The following ZNF317 variants were observed in gnomAD, a reference collection of about 807,000 sequenced individuals.
ZNF317 encodes the protein KRAB-containing zinc finger protein 317.
A neutral mutation model predicts 23.4 loss-of-function variants in ZNF317; 17 were observed. That is an observed-to-expected ratio of 0.73 (90% CI 0.50 to 1.09). ZNF317 has a LOEUF of 1.09. Among genes scored for constraint, ZNF317 ranks in the 50% least tolerant of loss-of-function variants. The pLI, the probability that ZNF317 is intolerant of heterozygous loss-of-function variation, is 0.00. For missense variants in ZNF317, 679 were observed against 796.7 expected (o/e 0.85, Z 1.78); for synonymous variants, 317 against 314.9 (o/e 1.01, Z -0.07).
At chr19:9,150,508 G>C (rs1305807333) in intron 1 of ZNF317, among the ~76,000 whole-genome samples, 2 of 152,110 alleles carry the variant, frequency 1.3e-5, no homozygotes, top group African/African-American at 4.8e-5. Context: ...TCAGAACCTG[G>C]GTGTCAGCAC....
chr19:9,161,048 A>G lies in ZNF317; in HGVS notation c.1403A>G (p.His468Arg). The change falls in exon 7 of 7, where the codon CAC becomes CGC. Residue 468 changes from histidine to arginine, a missense_variant. Coordinates refer to ENST00000247956, the MANE Select transcript of ZNF317 (RefSeq NM_020933.5). The surrounding 1 kb of genome is among the most constrained non-coding windows in gnomAD (Gnocchi z 4.0). ...SSNLTAHRKI[H>R]TQERRYECAA... ...AACCTCACCGCACACAGGAAGATACACACGCAAGAGAGACGCTACGAATGC... is the reference window on the plus strand; with the variant it reads ...AACCTCACCGCACACAGGAAGATACGCACGCAAGAGAGACGCTACGAATGC... The G allele has an allele frequency of 6.2e-7, 1 of 1,614,206 alleles. No homozygotes were observed. Among genetic ancestry groups the G allele is most frequent in the Non-Finnish European group, 8.5e-7 (1 of 1,180,050 alleles).
At chr19:9,155,899 TC>T in intron 1 of ZNF317, 25 bp from the exon 2 acceptor site, 4 of 1,292,950 alleles carry the variant, frequency 3.1e-6, no homozygotes, top group Non-Finnish European at 4.5e-6. Flanking sequence ...CTTTCACTAC[TC>T]CCGATGTTCT....
At chr19:9,154,018 G>C (rs144450954) in intron 1 of ZNF317, among the ~76,000 whole-genome samples, 1 of 152,266 alleles carries the variant, frequency 6.6e-6, no homozygotes, top group Non-Finnish European at 1.5e-5. Context: ...TTGTCTAGCA[G>C]GGCGAGAAAT....
intron 6 of ZNF317, among the ~76,000 whole-genome samples, chr19:9,159,845 C>T (rs2050827548): frequency 1.3e-5 from 2 of 152,240 alleles, no homozygotes; most frequent in African/African-American, 4.8e-5. Context: ...CCTTGCCCAG[C>T]CTCAATTCAG....
chr19:9,155,568 T>G (rs760582588), intron 1 of ZNF317, among the ~76,000 whole-genome samples: 9 of 152,162 alleles, frequency 5.9e-5, no homozygotes, highest in Non-Finnish European at 1.2e-4. Context: ...TGATCCTGGG[T>G]GGACCATCTT....
Position 9,159,118 on chromosome 19 carries a change from A to G in ZNF317, c.468+210A>G, listed in dbSNP as rs780095131. On this transcript the variant is annotated intron_variant, in intron 6 of 6. Transcript: ENST00000247956. ...AGAGTGTCTCTGAGTGAAGATTTTT[A>G]TAGCTGTGTCTCAGATATTGAGTGT... Among the ~76,000 whole-genome samples the G allele has an allele frequency of 2.0e-5, 3 of 152,250 alleles. No homozygotes were observed. In the South Asian group the frequency reaches 6.2e-4, roughly 31 times the overall value.
intron 1 of ZNF317, among the ~76,000 whole-genome samples, chr19:9,148,568 T>TGGCATCCC (rs74534761): frequency 0.46 from 70,409 of 151,552 alleles, 17,232 homozygotes; most frequent in African/African-American, 0.63. Flanking sequence ...TCTCCCAAGG[T>TGGCATCCC]CTGGGTGGCT....
At chr19:9,151,282 TC>T (rs2050733783) in intron 1 of ZNF317, among the ~76,000 whole-genome samples, 1 of 152,162 alleles carries the variant, frequency 6.6e-6, no homozygotes, top group African/African-American at 2.4e-5. Flanking sequence ...TGGCCCAAGA[TC>T]AAATTTGGTG....
At chr19:9,143,394 G>A (rs909291877) in intron 1 of ZNF317, among the ~76,000 whole-genome samples, 1 of 151,888 alleles carries the variant, frequency 6.6e-6, no homozygotes, top group Non-Finnish European at 1.5e-5. Context: ...TTTTTGGGAT[G>A]TTTCTTTCCA....
chr19:9,156,558 G>T, intron 2 of ZNF317, 54 bp from the exon 3 acceptor site: 1 of 1,584,074 alleles, frequency 6.3e-7, no homozygotes. Flanking sequence ...TACAAGTGTT[G>T]TATTATGAGA....
At chr19:9,154,273 G>A (rs952232273) in intron 1 of ZNF317, among the ~76,000 whole-genome samples, 2 of 152,066 alleles carry the variant, frequency 1.3e-5, no homozygotes, top group Non-Finnish European at 2.9e-5. Flanking sequence ...AAAATGCATA[G>A]GTCTTACTTA....
At chr19:9,150,295 T>A (rs1421578341) in intron 1 of ZNF317, among the ~76,000 whole-genome samples, 1 of 152,252 alleles carries the variant, frequency 6.6e-6, no homozygotes, top group Non-Finnish European at 1.5e-5. Flanking sequence ...ATTTTAATGA[T>A]AATGGCATTT....
intron 2 of ZNF317, 38 bp downstream of exon 2, chr19:9,156,079 G>A (rs990532478): frequency 1.2e-5 from 19 of 1,613,586 alleles, no homozygotes; most frequent in Non-Finnish European, 1.5e-5. Flanking sequence ...GAGAAAGTGA[G>A]TGCAAGTGGC....
chr19:9,156,283 A>G (rs1016094357), intron 2 of ZNF317, among the ~76,000 whole-genome samples: 1 of 151,868 alleles, frequency 6.6e-6, no homozygotes, highest in Admixed American at 6.6e-5. Flanking sequence ...GTAATGGGTA[A>G]CCCTGAGTTA....
intron 4 of ZNF317, 104 bp downstream of exon 4, chr19:9,157,498 G>A (rs1177543941): frequency 1.1e-5 from 16 of 1,457,924 alleles, no homozygotes; most frequent in South Asian, 4.9e-5. Flanking sequence ...GAACGCAGCT[G>A]TGAACAAGCA....
rs1003009128 is a variant in ZNF317 at position 9,140,457 on chromosome 19, G to A, written c.-228G>A. 18 of 455,584 alleles carry A rather than the reference G, an allele frequency of 4.0e-5. No individual in the cohort carries two copies. Among genetic ancestry groups the A allele is most frequent in the Non-Finnish European group, 7.9e-5 (18 of 226,510 alleles). 28.2% of individuals were successfully genotyped at this position (455,584 alleles called of 1,614,324 possible). ...GCCCCGAGACACATGGGCCAAGGAGGGGTCAGCGGCGAATTCTTTCGGCCT... is the reference window on the plus strand; with the variant it reads ...GCCCCGAGACACATGGGCCAAGGAGAGGTCAGCGGCGAATTCTTTCGGCCT... On this transcript the variant is annotated 5_prime_UTR_variant, in exon 1 of 7. Coordinates refer to ENST00000247956, the MANE Select transcript of ZNF317 (RefSeq NM_020933.5).
chr19:9,161,401 T>G lies in ZNF317; in HGVS notation c.1756T>G (p.Phe586Val). Residue 586 changes from phenylalanine to valine, a missense_variant, in exon 7 of 7, where the codon TTT becomes GTT. Transcript: ENST00000247956. The surrounding 1 kb of genome is among the most constrained non-coding windows in gnomAD (Gnocchi z 4.0). ...HVKTHRGEKLFVSSVWKRLQ is the reference protein window; with the variant it reads ...HVKTHRGEKLVVSSVWKRLQ Reference sequence around the variant, plus strand: ...GAAAACTCACCGGGGAGAGAAGCTCTTTGTGTCATCCGTGTGGAAAAGGCT... The same window carrying G: ...GAAAACTCACCGGGGAGAGAAGCTCGTTGTGTCATCCGTGTGGAAAAGGCT... 6.2e-7 allele frequency: 1 copy of G among 1,613,594 alleles called. No individual in the cohort carries two copies. Among genetic ancestry groups the G allele is most frequent in the Non-Finnish European group, 8.5e-7 (1 of 1,179,548 alleles).
At chr19:9,150,909 G>A (rs985196772) in intron 1 of ZNF317, among the ~76,000 whole-genome samples, 11 of 152,122 alleles carry the variant, frequency 7.2e-5, no homozygotes, top group African/African-American at 1.9e-4. Flanking sequence ...CAAGTGTCTC[G>A]GACCCTTGGT....
At chr19:9,151,788 C>T (rs1050944698) in intron 1 of ZNF317, among the ~76,000 whole-genome samples, 1 of 152,068 alleles carries the variant, frequency 6.6e-6, no homozygotes, top group Non-Finnish European at 1.5e-5. Flanking sequence ...ATCCCTATCA[C>T]ATACATGATT....
Sources: allele counts gnomAD v4.1 joint callset (sites outside exome capture counted in the v4.1 genomes callset), GRCh38; gene constraint gnomAD v4.1.1; non-coding constraint Gnocchi (gnomAD v3.1); transcripts MANE v1.5; gene names NCBI Gene and HGNC (gene_info 2026-07-23, HGNC 2026-07-21).